The following ALOX5AP variants were observed in gnomAD, a reference collection of about 807,000 sequenced individuals.
The protein encoded by ALOX5AP is arachidonate 5-lipoxygenase-activating protein.
Under a neutral mutation model 18.5 loss-of-function variants are expected in ALOX5AP, and 9 were observed. The observed-to-expected ratio is 0.49, with a 90% CI of 0.29 to 0.85. ALOX5AP has a LOEUF of 0.85. Ranked by LOEUF, ALOX5AP falls within the 40% of genes least tolerant of loss-of-function variation. ALOX5AP has a pLI of 0.08. For missense variants in ALOX5AP, 172 were observed against 202.5 expected (o/e 0.85, Z 0.91); for synonymous variants, 81 against 78.6 (o/e 1.03, Z -0.16).
Position 30,726,132 on chromosome 13 carries a change from G to T in ALOX5AP, c.117-9419G>T, listed in dbSNP as rs375973579. Among the ~76,000 whole-genome samples the T allele has an allele frequency of 4.6e-5, 7 of 152,114 alleles. No individual in the cohort carries two copies. In the East Asian group the frequency reaches 7.7e-4, roughly 17 times the overall value. ...CTATTGCAGAAATCTTAGCTCCTGT[G>T]GGGGGAATGCTTCCATCAGGGAATA... is the stretch of plus-strand genomic sequence containing the variant. On this transcript the variant is annotated intron_variant, in intron 1 of 5. Transcript: ENST00000617770.
At chr13:30,724,742 A>G (rs1175705346) in intron 1 of ALOX5AP, among the ~76,000 whole-genome samples, 1 of 152,328 alleles carries the variant, frequency 6.6e-6, no homozygotes, top group East Asian at 1.9e-4. Flanking sequence ...TTCCATTGTG[A>G]ACAAGAGTCA....
intron 1 of ALOX5AP, among the ~76,000 whole-genome samples, chr13:30,737,964 C>T (rs1951733993): frequency 6.6e-6 from 1 of 152,178 alleles, no homozygotes; most frequent in South Asian, 2.1e-4. Context: ...TTCTAATTAA[C>T]CTCAATGTTG....
At chr13:30,734,901 T>C (rs900782968), upstream of ALOX5AP, among the ~76,000 whole-genome samples, 1 of 152,212 alleles carries the variant, frequency 6.6e-6, no homozygotes, top group Non-Finnish European at 1.5e-5. Context: ...TTACCGTGTG[T>C]TAAGTGTTCA....
At chr13:30,713,746 T>A in exon 1 of ALOX5AP, 5 of 1,534,756 alleles carry the variant, frequency 3.3e-6, no homozygotes, top group Non-Finnish European at 4.4e-6. Context: ...TTAATCACGA[T>A]GCTCCCTGGC....
intron 1 of ALOX5AP, among the ~76,000 whole-genome samples, chr13:30,719,663 TC>T (rs1031402999): frequency 1.1e-4 from 16 of 152,192 alleles, no homozygotes; most frequent in Admixed American, 2.6e-4. Context: ...TCCAGGGTCA[TC>T]TTTTGCTATG....
chr13:30,713,841 G>GGTGTGT (rs369636483), the ALOX5AP span: 478 of 1,438,140 alleles, frequency 3.3e-4, no homozygotes, highest in Non-Finnish European at 4.0e-4. Flanking sequence ...CATCAGTGCT[G>GGTGTGT]GTGTGTGTGT....
At chr13:30,745,101 A>C (rs1196037086) in intron 2 of ALOX5AP, among the ~76,000 whole-genome samples, 1 of 152,184 alleles carries the variant, frequency 6.6e-6, no homozygotes, top group Admixed American at 6.5e-5. Context: ...CATGGGAGGG[A>C]GGGTCCCCTT....
intron 1 of ALOX5AP, among the ~76,000 whole-genome samples, chr13:30,729,839 G>T (rs1282567641): frequency 1.3e-5 from 2 of 152,174 alleles, no homozygotes; most frequent in Non-Finnish European, 2.9e-5. Context: ...GCCTCCCACA[G>T]TTTTGTGATT....
At chr13:30,752,514 T>A (rs768482532) in intron 3 of ALOX5AP, among the ~76,000 whole-genome samples, 8 of 152,212 alleles carry the variant, frequency 5.3e-5, no homozygotes, top group Non-Finnish European at 8.8e-5. Context: ...GTGGTGGCCC[T>A]CCTTCAGGCA....
chr13:30,746,203 G>A (rs1321620614), intron 2 of ALOX5AP, among the ~76,000 whole-genome samples: 8 of 152,208 alleles, frequency 5.3e-5, no homozygotes, highest in Non-Finnish European at 8.8e-5. Flanking sequence ...TTCCACAGTC[G>A]TTGTGGGGTG....
chr13:30,744,882 T>C (rs1385674140), intron 2 of ALOX5AP, among the ~76,000 whole-genome samples: 2 of 152,204 alleles, frequency 1.3e-5, no homozygotes, highest in Admixed American at 1.3e-4. Flanking sequence ...ACTAGGGGCC[T>C]GTCACAGAGG....
chr13:30,744,229 A>G lies in ALOX5AP; in HGVS notation c.170+70A>G, dbSNP rs1417289893. 33 of 1,363,190 alleles carry G rather than the reference A, an allele frequency of 2.4e-5. 1 individual carries two copies. The highest frequency in any genetic ancestry group is 4.3e-5 in the African/African-American group (3 of 69,604). The allele number at this position is 1,363,190 out of a possible 1,614,324, so 84.4% of individuals were successfully genotyped here. The stretch of plus-strand genomic sequence containing the variant: ...GGGGGGCCTCCTTCTAGGAGTGATG[A>G]CCACCCTTAATACCACATGTCTGTC... On this transcript the variant is annotated intron_variant, in intron 2 of 4. Transcript: ENST00000380490.
chr13:30,715,315 C>T (rs180746747), intron 1 of ALOX5AP, among the ~76,000 whole-genome samples: 13 of 152,320 alleles, frequency 8.5e-5, no homozygotes, highest in African/African-American at 1.7e-4. Flanking sequence ...CACTTGGTCC[C>T]GTGCCTGGCA....
At chr13:30,723,682 T>C (rs1304432221) in intron 1 of ALOX5AP, among the ~76,000 whole-genome samples, 1 of 152,250 alleles carries the variant, frequency 6.6e-6, no homozygotes, top group African/African-American at 2.4e-5. Context: ...CCTTATTAAA[T>C]AAAGTTATTT....
At chr13:30,756,467 T>A (rs889120910) in intron 4 of ALOX5AP, among the ~76,000 whole-genome samples, 3 of 152,174 alleles carry the variant, frequency 2.0e-5, no homozygotes, top group African/African-American at 7.2e-5. Context: ...GGAACATATC[T>A]TTCAGGGACC....
intron 1 of ALOX5AP, among the ~76,000 whole-genome samples, chr13:30,738,780 G>C (rs2137805699): frequency 6.6e-6 from 1 of 152,334 alleles, no homozygotes; most frequent in African/African-American, 2.4e-5. Context: ...TGCTCTGGTT[G>C]TAGGGGGAGC....
chr13:30,737,360 C>G (rs1429839448), intron 1 of ALOX5AP, among the ~76,000 whole-genome samples: 1 of 152,250 alleles, frequency 6.6e-6, no homozygotes, highest in Non-Finnish European at 1.5e-5. Flanking sequence ...GGGCTTTCTC[C>G]TGGACTTTGC....
chr13:30,729,516 G>C (rs1020534336), intron 1 of ALOX5AP, among the ~76,000 whole-genome samples: 4 of 151,494 alleles, frequency 2.6e-5, no homozygotes, highest in Admixed American at 1.3e-4. Context: ...TCCTTTCCTT[G>C]GATTGCCTAC....
At chr13:30,756,813 CAAAAAAAAAAAAA>C (rs60551684) in intron 4 of ALOX5AP, among the ~76,000 whole-genome samples, 2 of 59,264 alleles carry the variant, frequency 3.4e-5, no homozygotes, top group African/African-American at 7.9e-5. Context: ...AACTCCATCT[CAAAAAAAAAAAAA>C]AAAAAAAAAA....
Sources: allele counts gnomAD v4.1 joint callset (sites outside exome capture counted in the v4.1 genomes callset), GRCh38; gene constraint gnomAD v4.1.1; transcripts MANE v1.5; gene names NCBI Gene and HGNC (gene_info 2026-07-23, HGNC 2026-07-21).